Variants in OSBPL5 observed in about 807,000 individuals in gnomAD.
The protein encoded by OSBPL5 is oxysterol binding protein like 5.
OSBPL5 carries 71 observed loss-of-function variants against 111.2 expected under a neutral mutation model. That is an observed-to-expected ratio of 0.64 (90% CI 0.53 to 0.78). OSBPL5 has a LOEUF of 0.78. Ranked by LOEUF, OSBPL5 falls within the 30% of genes least tolerant of loss-of-function variation. OSBPL5 has a pLI of 0.00. For synonymous variants in OSBPL5, 549 were observed against 513.9 expected, an observed-to-expected ratio of 1.07 and a Z score of -0.93; for missense variants, 1,210 against 1,189.3, an observed-to-expected ratio of 1.02 and a Z score of -0.26.
rs1466255069 is a variant in OSBPL5 at position 3,094,558 on chromosome 11, G to A, written c.1622-224C>T. ...GGGTGCGGAGCCTGGGAGGTGCGGA[G>A]CCTGGGAGGCACGGAGCCTGGGAGG... On this transcript the variant is annotated intron_variant, in intron 14 of 21. Transcript: ENST00000263650. 5.8e-6 allele frequency: 3 copies of A among 520,132 alleles called. No homozygotes were observed. In the African/African-American group the frequency reaches 5.9e-5, roughly 10 times the overall value. 32.2% of individuals were successfully genotyped at this position (520,132 alleles called of 1,614,324 possible). A position where few individuals can be genotyped will look rare whatever the true frequency, so the allele number is the denominator to read the frequency against.
chr11:3,150,942 C>T (rs1229858021), intron 1 of OSBPL5, among the ~76,000 whole-genome samples: 4 of 152,130 alleles, frequency 2.6e-5, no homozygotes, highest in Non-Finnish European at 4.4e-5. Context: ...CCTCTCCCGG[C>T]GGTGGAGGGT....
intron 1 of OSBPL5, among the ~76,000 whole-genome samples, chr11:3,144,871 A>C (rs1218776779): frequency 6.6e-6 from 1 of 152,210 alleles, no homozygotes; most frequent in African/African-American, 2.4e-5. Flanking sequence ...ATCCTCCAGG[A>C]TGGTCTCATA....
chr11:3,121,179 G>C lies in OSBPL5; in HGVS notation c.403-555C>G, dbSNP rs1044324245. Among the ~76,000 whole-genome samples, 1 of 149,914 alleles carries C rather than the reference G, an allele frequency of 6.7e-6. No homozygotes were observed. The highest frequency in any genetic ancestry group is 1.5e-5 in the Non-Finnish European group (1 of 67,608). ...TTCAAGCGATTCTCCTGCCTCAGCC[G>C]CCCGAGTAGCTGGGATTACAGGCGC... On this transcript the variant is annotated intron_variant, in intron 5 of 21. Coordinates refer to ENST00000263650, the MANE Select transcript of OSBPL5 (RefSeq NM_020896.4). This position sits in a 1 kb window ranked among gnomAD's most constrained non-coding sequence, Gnocchi z 4.3.
At position 3,119,560 on chromosome 11, in the gene OSBPL5, G is replaced by A. The variant is rs1173810936; in HGVS notation, c.678C>T (p.Ala226=). ...LPSSYLIFRA[A]SESDGRCWLD... ...GCAGGGACTCACCATCTGACTCGGAGGCGGCCCTGAAGATCAGGTAGCTGC... is the reference window on the plus strand; with the variant it reads ...GCAGGGACTCACCATCTGACTCGGAAGCGGCCCTGAAGATCAGGTAGCTGC... Residue 226 remains alanine, a synonymous_variant, in exon 7 of 22, where the codon GCC becomes GCT. Coordinates refer to ENST00000263650, the MANE Select transcript of OSBPL5 (RefSeq NM_020896.4). 2.5e-6 allele frequency: 4 copies of A among 1,577,570 alleles called. No homozygotes were observed. Among genetic ancestry groups the A allele is most frequent in the African/African-American group, 2.8e-5 (2 of 71,794 alleles).
intron 1 of OSBPL5, among the ~76,000 whole-genome samples, chr11:3,149,823 G>T (rs1012927396): frequency 1.3e-5 from 2 of 152,220 alleles, no homozygotes; most frequent in Non-Finnish European, 2.9e-5. Context: ...GGCCAGCTGT[G>T]GCTGCTGGTG....
At chr11:3,131,539 CCATCCAT>C (rs1858835911) in intron 1 of OSBPL5, among the ~76,000 whole-genome samples, 1 of 144,554 alleles carries the variant, frequency 6.9e-6, no homozygotes, top group African/African-American at 2.6e-5. Flanking sequence ...ATCCATCCAT[CCATCCAT>C]CCACCCACCC....
intron 1 of OSBPL5, among the ~76,000 whole-genome samples, chr11:3,156,772 C>T (rs1342284282): frequency 6.6e-6 from 1 of 152,262 alleles, no homozygotes; most frequent in Admixed American, 6.5e-5. Context: ...GAGCCCATGC[C>T]ACTTCCACAC....
chr11:3,141,700 T>C lies in OSBPL5; in HGVS notation c.-21-12531A>G, dbSNP rs1176371807. On this transcript the variant is annotated intron_variant, in intron 1 of 21. Transcript: ENST00000263650. The surrounding 1 kb of genome is among the most constrained non-coding windows in gnomAD (Gnocchi z 6.5). ...TTGCGATTCTCATGCATCCCAGTGC[T>C]TTGCCGAGGTGCCTACGCCACCCTT... Among the ~76,000 whole-genome samples, 14 of 152,264 alleles carry C rather than the reference T, an allele frequency of 9.2e-5. No homozygotes were observed. Among genetic ancestry groups the C allele is most frequent in the South Asian group, 6.2e-4 (3 of 4,826 alleles).
rs918652762 is a variant in OSBPL5, at chr11:3,105,864, T to A, written c.1059+1399A>T. ...GTCGCTCATCACCATCTGGCTGAGA[T>A]CTACCCAATCCAACTTCCGAAATAC... On this transcript the variant is annotated intron_variant, in intron 9 of 21. Transcript: ENST00000263650. The surrounding 1 kb of genome is among the most constrained non-coding windows in gnomAD (Gnocchi z 5.2). Among the ~76,000 whole-genome samples, 1 of 152,084 alleles carries A rather than the reference T, an allele frequency of 6.6e-6. No individual in the cohort carries two copies. The highest frequency in any genetic ancestry group is 2.4e-5 in the African/African-American group (1 of 41,408).
chr11:3,105,660 C>T lies in OSBPL5; in HGVS notation c.1060-1283G>A, dbSNP rs1468324276. Among the ~76,000 whole-genome samples the T allele has an allele frequency of 6.6e-6, 1 of 152,144 alleles. No individual in the cohort carries two copies. The highest frequency in any genetic ancestry group is 1.9e-4 in the East Asian group (1 of 5,164). ...CTGCCCCACCTCTCGGACCAGCTGG[C>T]TCTGAGACACCTGGGCTCCTGGATC... On this transcript the variant is annotated intron_variant, in intron 9 of 21. Coordinates refer to ENST00000263650, the MANE Select transcript of OSBPL5 (RefSeq NM_020896.4). This position sits in a 1 kb window ranked among gnomAD's most constrained non-coding sequence, Gnocchi z 5.2.
chr11:3,103,820 GCAGCCCCCTTCCAGCCTCT>G (rs1857579862), intron 10 of OSBPL5, among the ~76,000 whole-genome samples: 1 of 27,150 alleles, frequency 3.7e-5, no homozygotes, highest in Non-Finnish European at 1.2e-4. Flanking sequence ...TCCTGCCTGC[GCAGCCCCCTTCCAGCCTCT>G]GCAGCCCCTT....
In OSBPL5 at chr11:3,113,609, G is replaced by A. The variant is rs149370637; in HGVS notation, c.692-5664C>T. The stretch of plus-strand genomic sequence containing the variant: ...GCAGAGGTAACAGTGAGCCAAGATC[G>A]CACCACTGCACTCCAGCCTGGGAGA... On this transcript the variant is annotated intron_variant, in intron 7 of 21. Coordinates refer to ENST00000263650, the MANE Select transcript of OSBPL5 (RefSeq NM_020896.4). The surrounding 1 kb of genome is among the most constrained non-coding windows in gnomAD (Gnocchi z 4.8). Among the ~76,000 whole-genome samples the A allele has an allele frequency of 1.6e-4, 24 of 151,774 alleles. No homozygotes were observed. Among genetic ancestry groups the A allele is most frequent in the East Asian group, 1.2e-3 (6 of 5,164 alleles).
chr11:3,089,945 C>G lies in OSBPL5; in HGVS notation c.2402G>C (p.Gly801Ala). 6.5e-7 allele frequency: 1 copy of G among 1,544,510 alleles called. No individual in the cohort carries two copies. The highest frequency in any genetic ancestry group is 8.7e-7 in the Non-Finnish European group (1 of 1,142,938). ...CCTGCACCGAGGGCATGGGCTCTCA[C>G]CGCCTGGGACGGCCCCGAGTGAGAC... ...EEQDGDFVPG[G>A]ESPCPRCRKE... The change falls in exon 21 of 22, where the codon GGT becomes GCT. Residue 801 changes from glycine (G) to alanine (A), a missense_variant. Gly to Ala is a moderately conservative substitution (Grantham distance 60, BLOSUM62 0). Coordinates refer to ENST00000263650, the MANE Select transcript of OSBPL5 (RefSeq NM_020896.4).
At position 3,093,682 on chromosome 11, in the gene OSBPL5, G is replaced by A. The variant is rs1052864599; in HGVS notation, c.1810-19C>T. On this transcript the variant is annotated intron_variant, in intron 16 of 21. Transcript: ENST00000263650. ...CCCTGTCCTGCCCCAGATGGCCAGC[G>A]GGGTCAGAGGCTGGCCTGGCGTTGA... 8 of 1,613,138 alleles carry A rather than the reference G, an allele frequency of 5.0e-6. No homozygotes were observed. The highest frequency in any genetic ancestry group is 5.1e-6 in the Non-Finnish European group (6 of 1,179,898).
chr11:3,095,140 C>T (rs560274535), intron 14 of OSBPL5, among the ~76,000 whole-genome samples: 52 of 151,834 alleles, frequency 3.4e-4, no homozygotes, highest in African/African-American at 1.1e-3. Context: ...CCCATGAGCA[C>T]GATGGAAAGC....
intron 19 of OSBPL5, 75 bp from the exon 20 acceptor site, chr11:3,090,771 G>A: frequency 6.7e-7 from 1 of 1,501,990 alleles, no homozygotes; most frequent in Non-Finnish European, 8.9e-7. Flanking sequence ...ATGGTGGCAT[G>A]CTTATGCCAG....
rs1175003133 is a variant in OSBPL5, at chr11:3,113,549, T to A, written c.692-5604A>T. 1.3e-5 allele frequency among the ~76,000 whole-genome samples: 2 copies of A among 151,732 alleles called. No individual in the cohort carries two copies. The highest frequency in any genetic ancestry group is 6.6e-5 in the Admixed American group (1 of 15,200). On this transcript the variant is annotated intron_variant, in intron 7 of 21. Coordinates refer to ENST00000263650, the MANE Select transcript of OSBPL5 (RefSeq NM_020896.4). The surrounding 1 kb of genome is among the most constrained non-coding windows in gnomAD (Gnocchi z 4.8). ...AGGCACCTGTAATCCCAGCTACTCG[T>A]GAGGCTGAGGCAGGAGAATTGCTTG...
At chr11:3,102,813 C>A (rs143532082) in intron 11 of OSBPL5, among the ~76,000 whole-genome samples, 3 of 152,262 alleles carry the variant, frequency 2.0e-5, no homozygotes, top group East Asian at 3.9e-4. Flanking sequence ...CGAGAGCAGC[C>A]CTGCTGTCAC....
At position 3,094,285 on chromosome 11, in the gene OSBPL5, G is replaced by A. The variant is rs536080242; in HGVS notation, c.1671C>T (p.Ile557=). ...CCTGGAAGTTGTTCTTCGCACACTCGATGGTGACCTTCCCACCCAGCTCCA... is the reference window on the plus strand; with the variant it reads ...CCTGGAAGTTGTTCTTCGCACACTCAATGGTGACCTTCCCACCCAGCTCCA... The part of the protein sequence containing the change: ...MTLELGGKVT[I]ECAKNNFQAQ... Residue 557 remains isoleucine (I), a synonymous_variant, in exon 15 of 22, where the codon ATC becomes ATT. Transcript: ENST00000263650. 4.3e-6 allele frequency: 7 copies of A among 1,613,610 alleles called. No homozygotes were observed. The highest frequency in any genetic ancestry group is 4.5e-5 in the East Asian group (2 of 44,872).
Sources: gnomAD v4.1 joint callset for allele counts (sites outside exome capture counted in the v4.1 genomes callset) on GRCh38, gnomAD v4.1.1 for gene constraint, Gnocchi (gnomAD v3.1) non-coding constraint, MANE v1.5 for transcripts, NCBI Gene and HGNC (gene_info 2026-07-23, HGNC 2026-07-21) for gene names.